Variants in AGBL1 observed in about 807,000 individuals in gnomAD.
The protein encoded by AGBL1 is cytosolic carboxypeptidase 4.
In AGBL1, 130 loss-of-function variants were observed where a neutral mutation model predicts 118.9. The observed-to-expected ratio is 1.09, with a 90% CI of 0.95 to 1.26. AGBL1 has a LOEUF of 1.26. Among genes scored for constraint, AGBL1 ranks in the 50% most tolerant of loss-of-function variants. AGBL1 has a pLI of 0.00. For synonymous variants in AGBL1, 555 were observed against 478.9 expected, an observed-to-expected ratio of 1.16 and a Z score of -2.08; for missense variants, 1,584 against 1,298.1, an observed-to-expected ratio of 1.22 and a Z score of -3.38.
At chr15:86,234,530 G>C in intron 6 of AGBL1, among the ~76,000 whole-genome samples, 1 of 138,194 alleles carries the variant, frequency 7.2e-6, no homozygotes, top group African/African-American at 2.7e-5. Context: ...CAGCCTGGGC[G>C]ACAGAGTGAG....
intron 22 of AGBL1, among the ~76,000 whole-genome samples, chr15:86,716,865 C>T (rs1340779038): frequency 6.6e-6 from 1 of 152,176 alleles, no homozygotes; most frequent in Non-Finnish European, 1.5e-5. Flanking sequence ...CTAGGGTTGA[C>T]TCTAAGGGCC....
chr15:86,134,431 G>A (rs1438952166), intron 1 of AGBL1, among the ~76,000 whole-genome samples: 1 of 151,940 alleles, frequency 6.6e-6, no homozygotes, highest in Non-Finnish European at 1.5e-5. Context: ...AGTCTGGCAG[G>A]GCATAAGCAC....
intron 22 of AGBL1, among the ~76,000 whole-genome samples, chr15:86,753,735 C>T (rs1470567148): frequency 6.6e-6 from 1 of 152,066 alleles, no homozygotes; most frequent in Non-Finnish European, 1.5e-5. Flanking sequence ...ATGTCTAGGT[C>T]TGAAGAGTGA....
intron 22 of AGBL1, among the ~76,000 whole-genome samples, chr15:86,734,866 G>A (rs958218035): frequency 1.3e-5 from 2 of 152,086 alleles, no homozygotes; most frequent in African/African-American, 4.8e-5. Flanking sequence ...CCCTGAGTGA[G>A]CTGATGGGGA....
intron 22 of AGBL1, among the ~76,000 whole-genome samples, chr15:86,708,745 C>G (rs566332315): frequency 4.6e-5 from 7 of 151,954 alleles, no homozygotes; most frequent in Non-Finnish European, 8.8e-5. Flanking sequence ...GAGCCTTGCT[C>G]TATTTTATAA....
intron 21 of AGBL1, among the ~76,000 whole-genome samples, chr15:86,639,250 C>G (rs58001144): frequency 0.091 from 13,811 of 152,130 alleles, 1,409 homozygotes; most frequent in African/African-American, 0.24. Flanking sequence ...CACTGAGGGT[C>G]ATCTTGGAAG....
chr15:86,578,686 T>C lies in AGBL1; in HGVS notation c.2994+24149T>C, dbSNP rs145582842. 5.3e-5 allele frequency among the ~76,000 whole-genome samples: 8 copies of C among 151,166 alleles called. No homozygotes were observed. The East Asian group carries it at 1.6e-3, about 30-fold the overall frequency. On this transcript the variant is annotated intron_variant, in intron 21 of 22. Coordinates refer to ENST00000614907, the MANE Select transcript of AGBL1 (RefSeq NM_001386094.1). ...AGGTTTTCCTGTGCTGTTCTTGTGA[T>C]AGTGAGTAAGTCTCATGAGATCTGA...
At chr15:86,661,789 C>T (rs1272678547) in intron 21 of AGBL1, among the ~76,000 whole-genome samples, 1 of 152,114 alleles carries the variant, frequency 6.6e-6, no homozygotes, top group Non-Finnish European at 1.5e-5. Flanking sequence ...AAGTACAGGG[C>T]TCCATACCAA....
chr15:86,131,676 G>C (rs563720756), intron 1 of AGBL1, among the ~76,000 whole-genome samples: 4 of 152,088 alleles, frequency 2.6e-5, no homozygotes, highest in Admixed American at 2.6e-4. Context: ...GGCCAGGTGC[G>C]GTGGCTCACG....
At chr15:86,868,390 G>A (rs952176682) in intron 22 of AGBL1, among the ~76,000 whole-genome samples, 2 of 152,166 alleles carry the variant, frequency 1.3e-5, no homozygotes, top group Admixed American at 6.5e-5. Context: ...GAGAAGTCTT[G>A]TTTATATAGC....
intron 18 of AGBL1, among the ~76,000 whole-genome samples, chr15:86,438,751 T>G (rs1036536860): frequency 6.6e-6 from 1 of 151,118 alleles, no homozygotes; most frequent in Non-Finnish European, 1.5e-5. Context: ...AACCTCTGTC[T>G]CCTGGGTCCA....
intron 21 of AGBL1, among the ~76,000 whole-genome samples, chr15:86,559,158 A>G (rs2083778401): frequency 6.6e-6 from 1 of 152,186 alleles, no homozygotes. Flanking sequence ...TAAGGACACC[A>G]GACATACTGG....
intron 5 of AGBL1, among the ~76,000 whole-genome samples, chr15:86,189,926 A>G (rs1477835157): frequency 1.3e-5 from 2 of 152,216 alleles, no homozygotes; most frequent in Non-Finnish European, 2.9e-5. Flanking sequence ...CATAGGCTCA[A>G]TGAGAGCAGA....
intron 17 of AGBL1, among the ~76,000 whole-genome samples, chr15:86,388,085 G>A (rs2081223385): frequency 6.6e-6 from 1 of 152,140 alleles, no homozygotes; most frequent in Admixed American, 6.5e-5. Context: ...TGGTATATGG[G>A]TCAGAAAGAT....
intron 23 of AGBL1, chr15:86,987,847 G>T (rs2081299705): frequency 1.3e-6 from 1 of 785,058 alleles, no homozygotes. Context: ...ACCTTATGTT[G>T]CTGGTATCTT....
intron 21 of AGBL1, among the ~76,000 whole-genome samples, chr15:86,567,521 G>T (rs1297937193): frequency 6.6e-6 from 1 of 152,168 alleles, no homozygotes; most frequent in Non-Finnish European, 1.5e-5. Context: ...GAAGGAAACA[G>T]ATTTAAATTT....
At chr15:87,007,719 A>C (rs181702754) in intron 24 of AGBL1, among the ~76,000 whole-genome samples, 1 of 152,330 alleles carries the variant, frequency 6.6e-6, no homozygotes, top group East Asian at 1.9e-4. Flanking sequence ...TTAGATATGT[A>C]AGTGAATCCA....
chr15:86,409,460 A>G (rs746822491), intron 18 of AGBL1, among the ~76,000 whole-genome samples: 2 of 152,104 alleles, frequency 1.3e-5, no homozygotes, highest in Non-Finnish European at 2.9e-5. Flanking sequence ...CATACACCCC[A>G]TTCCCACCAT....
At chr15:86,995,010 G>A (rs757359854) in intron 24 of AGBL1, among the ~76,000 whole-genome samples, 3 of 152,042 alleles carry the variant, frequency 2.0e-5, no homozygotes, top group Admixed American at 6.6e-5. Context: ...TTTTGGCCAG[G>A]CACTATGATG....
Sources: gnomAD v4.1 joint callset for allele counts (sites outside exome capture counted in the v4.1 genomes callset) on GRCh38, gnomAD v4.1.1 for gene constraint, MANE v1.5 for transcripts, NCBI Gene and HGNC (gene_info 2026-07-23, HGNC 2026-07-21) for gene names.